The following ABCC1 variants were observed in gnomAD, a reference collection of about 807,000 sequenced individuals.
The protein encoded by ABCC1 is multidrug resistance-associated protein 1.
In ABCC1, 83 loss-of-function variants were observed where a neutral mutation model predicts 172.9. That is an observed-to-expected ratio of 0.48 (90% CI 0.40 to 0.58). The LOEUF is 0.58. Ranked by LOEUF, ABCC1 falls within the 20% of genes least tolerant of loss-of-function variation. The probability of loss-of-function intolerance (pLI) is 0.00; values close to 1 mark genes in which losing one functional copy is unlikely to be tolerated. For synonymous variants in ABCC1, 937 were observed against 825.2 expected (o/e 1.14, Z -2.32); for missense variants, 1,817 against 2,002.7 (o/e 0.91, Z 1.77).
At position 16,076,085 on chromosome 16, in the gene ABCC1, C is replaced by T. The variant is rs2050553032; in HGVS notation, c.1913-241C>T. On this transcript the variant is annotated intron_variant, in intron 14 of 30. Transcript: ENST00000399410. Reference sequence around the variant, plus strand: ...GATGATCGTCCAGATGGCGCAACCCCATCTTACAAGGACAAAGCTGCTTGC... The same window carrying T: ...GATGATCGTCCAGATGGCGCAACCCTATCTTACAAGGACAAAGCTGCTTGC... 7 of 518,124 alleles carry T rather than the reference C, an allele frequency of 1.4e-5. No individual in the cohort carries two copies. The East Asian group carries it at 2.4e-4, about 18-fold the overall frequency. 32.1% of individuals were successfully genotyped at this position (518,124 alleles called of 1,614,324 possible).
chr16:15,949,894 C>A, intron 1 of ABCC1, 95 bp downstream of exon 1: 1 of 1,070,890 alleles, frequency 9.3e-7, no homozygotes, highest in Non-Finnish European at 1.2e-6. Context: ...CACCCCGCTC[C>A]CCGCTCTGCT....
chr16:15,956,399 A>G (rs981604186), intron 1 of ABCC1, among the ~76,000 whole-genome samples: 16 of 151,868 alleles, frequency 1.1e-4, no homozygotes, highest in African/African-American at 3.9e-4. Context: ...AAGAAAATTC[A>G]GGTCTAACTT....
intron 14 of ABCC1, among the ~76,000 whole-genome samples, chr16:16,072,992 A>G: frequency 6.6e-6 from 1 of 151,388 alleles, no homozygotes; most frequent in East Asian, 2.0e-4. Context: ...CAGTGAGCCA[A>G]GATCGCGCCA....
At chr16:15,979,814 T>C (rs1426709144) in intron 1 of ABCC1, among the ~76,000 whole-genome samples, 1 of 152,142 alleles carries the variant, frequency 6.6e-6, no homozygotes, top group Admixed American at 6.5e-5. Flanking sequence ...CTTGTTTTTA[T>C]TTAAGACCTG....
intron 12 of ABCC1, among the ~76,000 whole-genome samples, chr16:16,057,867 C>T (rs2049737413): frequency 6.6e-6 from 1 of 152,124 alleles, no homozygotes; most frequent in East Asian, 1.9e-4. Context: ...CCTTGAACTC[C>T]TGGGCCCAAG....
At chr16:16,108,890 C>T (rs991561048) in intron 21 of ABCC1, among the ~76,000 whole-genome samples, 10 of 151,884 alleles carry the variant, frequency 6.6e-5, no homozygotes, top group African/African-American at 1.9e-4. Context: ...CCACACCTGG[C>T]CACACACTTG....
At chr16:16,102,820 G>T (rs2051830205) in intron 20 of ABCC1, 103 bp downstream of exon 20, 6 of 1,132,134 alleles carry the variant, frequency 5.3e-6, no homozygotes, top group Non-Finnish European at 6.3e-6. Flanking sequence ...GTCCTGGAAG[G>T]CCTGGGCTTT....
chr16:16,102,349 C>T (rs901711585), intron 19 of ABCC1, among the ~76,000 whole-genome samples: 3 of 152,222 alleles, frequency 2.0e-5, no homozygotes, highest in African/African-American at 7.2e-5. Flanking sequence ...GCTGCTGGCA[C>T]AGGATGCTGG....
At chr16:15,949,404 A>G (rs2045795480), upstream of ABCC1, among the ~76,000 whole-genome samples, 1 of 150,952 alleles carries the variant, frequency 6.6e-6, no homozygotes, top group African/African-American at 2.4e-5. Context: ...CCCGTCCGCG[A>G]GCGGGTGGGC....
At chr16:16,079,141 G>T (rs2050704322) in intron 15 of ABCC1, among the ~76,000 whole-genome samples, 1 of 152,166 alleles carries the variant, frequency 6.6e-6, no homozygotes, top group Non-Finnish European at 1.5e-5. Flanking sequence ...CCTGTCACCT[G>T]CCTCCCACCT....
At chr16:15,976,434 A>G (rs2046493350) in intron 1 of ABCC1, among the ~76,000 whole-genome samples, 1 of 152,086 alleles carries the variant, frequency 6.6e-6, no homozygotes. Context: ...ATGGGTGGGG[A>G]AAGGAGGCAG....
At chr16:15,969,614 C>A (rs2046323375) in intron 1 of ABCC1, among the ~76,000 whole-genome samples, 1 of 4,458 alleles carries the variant, frequency 2.2e-4, no homozygotes, top group Non-Finnish European at 5.9e-4. Context: ...TCAGGTGATC[C>A]CCCCTGCCTC....
chr16:16,002,762 A>C (rs1193432006), intron 1 of ABCC1, among the ~76,000 whole-genome samples: 3 of 118,700 alleles, frequency 2.5e-5, no homozygotes, highest in Non-Finnish European at 5.6e-5. Flanking sequence ...ACAGAGTGAG[A>C]CCTTGTCTCA....
chr16:15,988,905 A>G lies in ABCC1; in HGVS notation c.49-18911A>G, dbSNP rs149432356. 6.7e-3 allele frequency among the ~76,000 whole-genome samples: 1,011 copies of G among 151,740 alleles called. 23 individuals carry two copies. The highest frequency in any genetic ancestry group is 0.04 in the Admixed American group (612 of 15,188). On this transcript the variant is annotated intron_variant, in intron 1 of 30. Coordinates refer to ENST00000399410, the MANE Select transcript of ABCC1 (RefSeq NM_004996.4). ...CAACATAGCAAGGCCCCATCTCTGG[A>G]AAGAAATACAAAAATTAACCAGGCT...
At chr16:15,969,859 G>A (rs973631710) in intron 1 of ABCC1, among the ~76,000 whole-genome samples, 1 of 152,092 alleles carries the variant, frequency 6.6e-6, no homozygotes, top group Non-Finnish European at 1.5e-5. Flanking sequence ...CAGTCTCTGA[G>A]GGTCCTGCAT....
At chr16:16,118,767 A>C (rs2045018638) in intron 23 of ABCC1, among the ~76,000 whole-genome samples, 1 of 151,962 alleles carries the variant, frequency 6.6e-6, no homozygotes, top group South Asian at 2.1e-4. Flanking sequence ...GGAGGCAGAT[A>C]CATGAAAACA....
At chr16:16,136,169 ATG>A (rs2045909019) in intron 28 of ABCC1, among the ~76,000 whole-genome samples, 1 of 151,934 alleles carries the variant, frequency 6.6e-6, no homozygotes, top group African/African-American at 2.4e-5. Flanking sequence ...GACTACAGGT[ATG>A]CACCACCATG....
intron 8 of ABCC1, 31 bp downstream of exon 8, chr16:16,044,711 A>G: frequency 1.3e-6 from 2 of 1,586,034 alleles, no homozygotes; most frequent in Non-Finnish European, 1.7e-6. Flanking sequence ...GGTGGGCTCC[A>G]TTTTCCCTCC....
intron 19 of ABCC1, chr16:16,098,930 T>C: frequency 7.4e-7 from 1 of 1,351,700 alleles, no homozygotes; most frequent in Non-Finnish European, 9.8e-7. Flanking sequence ...TGGAGTTGGC[T>C]TGGCTCATAG....
Sources: allele counts gnomAD v4.1 joint callset (sites outside exome capture counted in the v4.1 genomes callset), GRCh38; gene constraint gnomAD v4.1.1; transcripts MANE v1.5; gene names NCBI Gene and HGNC (gene_info 2026-07-23, HGNC 2026-07-21).